Variants in NDUFA9 observed in about 807,000 individuals in gnomAD.
NDUFA9 encodes the protein NADH dehydrogenase [ubiquinone] 1 alpha subcomplex subunit 9, mitochondrial.
NDUFA9 carries 23 observed loss-of-function variants against 45.9 expected under a neutral mutation model. The observed-to-expected ratio is 0.50, with a 90% confidence interval of 0.36 to 0.71. The LOEUF (loss-of-function observed/expected upper bound fraction) is 0.71. NDUFA9 is among the 30% of genes least tolerant of loss of function. The pLI is 0.00. For synonymous variants in NDUFA9, 176 were observed against 170.5 expected, an observed-to-expected ratio of 1.03 and a Z score of -0.25; for missense variants, 466 against 488.2, an observed-to-expected ratio of 0.95 and a Z score of 0.43.
chr12:4,659,820 G>C (rs58897427), intron 5 of NDUFA9, among the ~76,000 whole-genome samples: 1 of 152,202 alleles, frequency 6.6e-6, no homozygotes, highest in African/African-American at 2.4e-5. Flanking sequence ...GAGTCATACT[G>C]ATAAGGACAA....
intron 6 of NDUFA9, among the ~76,000 whole-genome samples, chr12:4,665,156 A>G (rs1158058929): frequency 1.3e-5 from 2 of 152,220 alleles, no homozygotes; most frequent in African/African-American, 4.8e-5. Context: ...GTTCAGTAGT[A>G]TTAAGATATT....
At chr12:4,671,867 C>A (rs771182918) in intron 8 of NDUFA9, among the ~76,000 whole-genome samples, 1 of 152,114 alleles carries the variant, frequency 6.6e-6, no homozygotes, top group Non-Finnish European at 1.5e-5. Context: ...AGATGAACTT[C>A]GACTCCTACC....
chr12:4,659,154 T>C lies in NDUFA9; in HGVS notation c.529T>C (p.Ser177Pro). 1.2e-6 allele frequency: 2 copies of C among 1,611,910 alleles called. No individual in the cohort carries two copies. The highest frequency in any genetic ancestry group is 1.7e-6 in the Non-Finnish European group (2 of 1,178,196). Residue 177 changes from serine (S) to proline (P), a missense_variant, in exon 5 of 11, where the codon TCT becomes CCT. By Grantham distance (74) the Ser-to-Pro change is moderately conservative. Transcript: ENST00000266544. ...VSHLNANIKS[S>P]SRYLRNKAVG... ...ACATCTGAATGCGAATATTAAAAGC[T>C]CTTCTAGATATTTGAGAAATAAGGT...
At position 4,693,349 on chromosome 12, in the gene NDUFA9, A is replaced by G. The variant is rs1946027755; in HGVS notation, c.*6241A>G. On this transcript the variant is annotated 3_prime_UTR_variant, in exon 11 of 11. Coordinates refer to ENST00000266544, the MANE Select transcript of NDUFA9 (RefSeq NM_005002.5). ...CTCAAGTTATAATAGGCTCAATTTG[A>G]TAATTAGGATGCCCAGTGTTGTGTA... is the stretch of plus-strand genomic sequence containing the variant. The G allele has an allele frequency of 6.6e-6, 1 of 152,194 alleles. No homozygotes were observed. Among genetic ancestry groups the G allele is most frequent in the Non-Finnish European group, 1.5e-5 (1 of 68,030 alleles). 9.4% of individuals were successfully genotyped at this position (152,194 alleles called of 1,614,324 possible).
At chr12:4,684,657 G>T (rs180849570) in intron 9 of NDUFA9, among the ~76,000 whole-genome samples, 17 of 152,310 alleles carry the variant, frequency 1.1e-4, no homozygotes, top group Admixed American at 7.8e-4. Context: ...GGTAACTGAT[G>T]ATGGGAGCTC....
intron 3 of NDUFA9, chr12:4,655,155 T>C: frequency 2.2e-6 from 1 of 448,002 alleles, no homozygotes; most frequent in Non-Finnish European, 4.0e-6. Context: ...TACTTCTGGC[T>C]TTGCAGGTCG....
At position 4,691,478 on chromosome 12, in the gene NDUFA9, G is replaced by T. The variant is rs908510619; in HGVS notation, c.*4370G>T. The T allele has an allele frequency of 6.6e-6, 1 of 152,194 alleles. No individual in the cohort carries two copies. Among genetic ancestry groups the T allele is most frequent in the Non-Finnish European group, 1.5e-5 (1 of 68,042 alleles). The allele number at this position is 152,194 out of a possible 1,614,324, so 9.4% of individuals were successfully genotyped here. A position where few individuals can be genotyped will look rare whatever the true frequency, so the allele number is the denominator to read the frequency against. On this transcript the variant is annotated 3_prime_UTR_variant, in exon 11 of 11. Transcript: ENST00000266544. ...TTTCTGGCTACAAAACTGATGCCTT[G>T]TTCCAGAAAGGATTTAAGGATGCTC...
intron 8 of NDUFA9, among the ~76,000 whole-genome samples, chr12:4,670,130 A>G (rs527272850): frequency 6.6e-6 from 1 of 152,216 alleles, no homozygotes; most frequent in African/African-American, 2.4e-5. Context: ...AACACAAACA[A>G]AACACTTTTA....
chr12:4,656,357 T>C (rs1945790899), intron 3 of NDUFA9, among the ~76,000 whole-genome samples: 1 of 152,236 alleles, frequency 6.6e-6, no homozygotes, highest in Non-Finnish European at 1.5e-5. Flanking sequence ...AAAATTGAAG[T>C]ATTTAAAAAG....
intron 7 of NDUFA9, 112 bp from the exon 8 acceptor site, chr12:4,669,629 C>CTCCT (rs536665062): frequency 7.2e-5 from 48 of 663,544 alleles, no homozygotes; most frequent in Middle Eastern, 3.2e-4. Flanking sequence ...TTCCTCCTTT[C>CTCCT]TCCTTCCTTC....
At chr12:4,682,385 G>GC in intron 9 of NDUFA9, 85 bp downstream of exon 9, 1 of 882,716 alleles carries the variant, frequency 1.1e-6, no homozygotes, top group South Asian at 2.0e-5. Context: ...GGGTTATAGG[G>GC]TGTGTGAAGG....
At chr12:4,682,958 G>T (rs916643570) in intron 9 of NDUFA9, among the ~76,000 whole-genome samples, 1 of 152,138 alleles carries the variant, frequency 6.6e-6, no homozygotes, top group African/African-American at 2.4e-5. Context: ...CCCACCTACT[G>T]GGGTGGAGGT....
intron 8 of NDUFA9, among the ~76,000 whole-genome samples, chr12:4,672,847 G>T (rs1410018784): frequency 6.6e-6 from 1 of 152,242 alleles, no homozygotes; most frequent in Non-Finnish European, 1.5e-5. Context: ...TCTGAAGAAA[G>T]CAGCAGATCT....
In NDUFA9 at chr12:4,691,883, C is replaced by T. The variant is rs902896082; in HGVS notation, c.*4775C>T. Reference sequence around the variant, plus strand: ...TCCAAAGGAAGAGTAAACATCTCATCCTTATGACAGGAAGTAGTCCTGCAG... The same window carrying T: ...TCCAAAGGAAGAGTAAACATCTCATTCTTATGACAGGAAGTAGTCCTGCAG... On this transcript the variant is annotated 3_prime_UTR_variant, in exon 11 of 11. Transcript: ENST00000266544. 1.3e-5 allele frequency: 2 copies of T among 151,964 alleles called. No individual in the cohort carries two copies. The highest frequency in any genetic ancestry group is 2.9e-5 in the Non-Finnish European group (2 of 68,008). 9.4% of individuals were successfully genotyped at this position (151,964 alleles called of 1,614,324 possible).
At chr12:4,660,631 C>T (rs1945817838) in intron 5 of NDUFA9, among the ~76,000 whole-genome samples, 1 of 152,028 alleles carries the variant, frequency 6.6e-6, no homozygotes, top group Non-Finnish European at 1.5e-5. Flanking sequence ...AAACCCAAAC[C>T]AATCAAACAG....
At chr12:4,662,965 G>A (rs957346531) in intron 6 of NDUFA9, among the ~76,000 whole-genome samples, 2 of 152,120 alleles carry the variant, frequency 1.3e-5, no homozygotes, top group African/African-American at 2.4e-5. Context: ...TGTGTTATAT[G>A]TATTGATTCT....
At chr12:4,682,530 A>G (rs1945959819) in intron 9 of NDUFA9, among the ~76,000 whole-genome samples, 1 of 152,232 alleles carries the variant, frequency 6.6e-6, no homozygotes, top group Non-Finnish European at 1.5e-5. Context: ...CCACTTCCCA[A>G]AAGTGAAGAT....
chr12:4,685,458 A>AGC, intron 10 of NDUFA9, 133 bp downstream of exon 10: 2 of 760,382 alleles, frequency 2.6e-6, no homozygotes, highest in Non-Finnish European at 4.3e-6. Flanking sequence ...CCCCTCTACT[A>AGC]GCGCTGAAGC....
chr12:4,687,056 G>T lies in NDUFA9; in HGVS notation c.1082G>T (p.Trp361Leu), dbSNP rs1945991555. 1 of 1,614,150 alleles carries T rather than the reference G, an allele frequency of 6.2e-7. No individual in the cohort carries two copies. The change falls in exon 11 of 11, where the codon TGG becomes TTG. Residue 361 changes from tryptophan to leucine, a missense_variant. By Grantham distance (61) the Trp-to-Leu change is moderately conservative (BLOSUM62 -2). Transcript: ENST00000266544. ...EVLRRHRTYRWLSAEIEDVKP... is the reference protein window; with the variant it reads ...EVLRRHRTYRLLSAEIEDVKP... ...CTGCGGCGTCATCGCACTTACCGCT[G>T]GCTGTCTGCTGAAATTGAGGATGTG...
Sources: allele counts gnomAD v4.1 joint callset (sites outside exome capture counted in the v4.1 genomes callset), GRCh38; gene constraint gnomAD v4.1.1; transcripts MANE v1.5; gene names NCBI Gene and HGNC (gene_info 2026-07-23, HGNC 2026-07-21).